The following GALNT15 variants were observed in gnomAD, a reference collection of about 807,000 sequenced individuals.
GALNT15 encodes polypeptide N-acetylgalactosaminyltransferase 15, also known as UDP-GalNAc transferase T15.
In GALNT15, 67 loss-of-function variants were observed where a neutral mutation model predicts 66.8. The observed-to-expected ratio is 1.00, with a 90% confidence interval of 0.82 to 1.23. GALNT15 has a LOEUF of 1.23. GALNT15 is among the 50% of genes most tolerant of loss of function. GALNT15 has a pLI of 0.00. For missense variants in GALNT15, 827 were observed against 804.3 expected (o/e 1.03, Z -0.34); for synonymous variants, 313 against 311.5 (o/e 1.00, Z -0.05).
In GALNT15 at chr3:16,181,894, G is replaced by A. The variant is rs889236485; in HGVS notation, c.539+6204G>A. ...TCCAGCCCTCGAGTCCACAGTGGCC[G>A]CAGCAGAGGCAGTACCTCCTCTGGA... On this transcript the variant is annotated intron_variant, in intron 1 of 9. Transcript: ENST00000339732. The surrounding 1 kb of genome is among the most constrained non-coding windows in gnomAD (Gnocchi z 5.9). 2.6e-5 allele frequency among the ~76,000 whole-genome samples: 4 copies of A among 152,130 alleles called. No homozygotes were observed. Among genetic ancestry groups the A allele is most frequent in the South Asian group, 4.1e-4 (2 of 4,826 alleles).
chr3:16,198,947 G>A lies in GALNT15; in HGVS notation c.707-1672G>A, dbSNP rs1246118322. On this transcript the variant is annotated intron_variant, in intron 2 of 9. Coordinates refer to ENST00000339732, the MANE Select transcript of GALNT15 (RefSeq NM_054110.5). ...GGCCACCTCTGGGCTGGGGAACTGGGGGGGAAATTCTTGCTTTTTGGCTCA... is the reference window on the plus strand; with the variant it reads ...GGCCACCTCTGGGCTGGGGAACTGGAGGGGAAATTCTTGCTTTTTGGCTCA... Among the ~76,000 whole-genome samples, 3 of 142,304 alleles carry A rather than the reference G, an allele frequency of 2.1e-5. 1 individual carries two copies. The highest frequency in any genetic ancestry group is 7.9e-5 in the African/African-American group (3 of 38,180). 93.4% of individuals were successfully genotyped at this position (142,304 alleles called of 152,430 possible). A position where few individuals can be genotyped will look rare whatever the true frequency, so the allele number is the denominator to read the frequency against.
At position 16,213,764 on chromosome 3, in the gene GALNT15, C is replaced by T. The variant is rs1003109254; in HGVS notation, c.1392+1001C>T. On this transcript the variant is annotated intron_variant, in intron 6 of 9. Transcript: ENST00000339732. ...GTGAGTTTGCATGCCACAGATGAAG[C>T]CTAGGCCGCTTAAATGGAAGGACAT... Among the ~76,000 whole-genome samples the T allele has an allele frequency of 2.0e-5, 3 of 152,172 alleles. No individual in the cohort carries two copies. In the East Asian group the frequency reaches 5.8e-4, roughly 29 times the overall value.
intron 2 of GALNT15, among the ~76,000 whole-genome samples, chr3:16,199,698 G>A (rs2063678503): frequency 1.0e-5 from 1 of 97,286 alleles, no homozygotes; most frequent in African/African-American, 3.8e-5. Context: ...TCCCATGGGG[G>A]ACTCTGGAGC....
chr3:16,247,879 G>A, the GALNT15 span, among the ~76,000 whole-genome samples: 16 of 152,122 alleles, frequency 1.1e-4, no homozygotes, highest in African/African-American at 3.6e-4. Context: ...GTGGCGACAC[G>A]TCACCCAGCA....
At chr3:16,192,470 T>G (rs745802153) in intron 1 of GALNT15, among the ~76,000 whole-genome samples, 41 of 139,608 alleles carry the variant, frequency 2.9e-4, no homozygotes, top group Non-Finnish European at 3.9e-4. Flanking sequence ...TAGTTTAGGG[T>G]TTTTTTTTTC....
chr3:16,194,936 ACCTATG>A (rs1286166723), intron 1 of GALNT15, among the ~76,000 whole-genome samples: 1 of 152,234 alleles, frequency 6.6e-6, no homozygotes, highest in Non-Finnish European at 1.5e-5. Context: ...GCACATGTTT[ACCTATG>A]TAGCAAACCT....
At chr3:16,232,469 AATATATATATAT>A (rs374444719), downstream of GALNT15, among the ~76,000 whole-genome samples, 6 of 38,754 alleles carry the variant, frequency 1.5e-4, no homozygotes, top group African/African-American at 3.2e-4. Context: ...TAAATAAATA[AATATATATATAT>A]ATATATATAT....
Position 16,211,097 on chromosome 3 carries a change from A to C in GALNT15, c.1080-27A>C. ...TGCTGTGCTCTGGGTTCTGAACTGC[A>C]GTGTCCTGCCTGTCTTCTGTGTCCA... On this transcript the variant is annotated intron_variant, in intron 4 of 9. Coordinates refer to ENST00000339732, the MANE Select transcript of GALNT15 (RefSeq NM_054110.5). The surrounding 1 kb of genome is among the most constrained non-coding windows in gnomAD (Gnocchi z 4.3). 1 of 1,539,192 alleles carries C rather than the reference A, an allele frequency of 6.5e-7. No homozygotes were observed.
rs1308840649 is a variant in GALNT15 at position 16,203,539 on chromosome 3, T to TCACA, written c.911+2717_911+2718insACAC. ...CACTCATTCTCTCTCTCTCTCTCTCTCTCTCACACACACACACACACACAC... is the reference window on the plus strand; with the variant it reads ...CACTCATTCTCTCTCTCTCTCTCTCTCACACTCTCACACACACACACACACACAC... On this transcript the variant is annotated intron_variant, in intron 3 of 9. Transcript: ENST00000339732. The surrounding 1 kb of genome is among the most constrained non-coding windows in gnomAD (Gnocchi z 6.2). Among the ~76,000 whole-genome samples, 3 of 53,312 alleles carry TCACA rather than the reference T, an allele frequency of 5.6e-5. No individual in the cohort carries two copies. Among genetic ancestry groups the TCACA allele is most frequent in the African/African-American group, 1.6e-4 (3 of 18,562 alleles). 35.0% of individuals were successfully genotyped at this position (53,312 alleles called of 152,430 possible).
rs1465882548 is a variant in GALNT15, at chr3:16,204,062, A to C, written c.911+3239A>C. On this transcript the variant is annotated intron_variant, in intron 3 of 9. Coordinates refer to ENST00000339732, the MANE Select transcript of GALNT15 (RefSeq NM_054110.5). This position sits in a 1 kb window ranked among gnomAD's most constrained non-coding sequence, Gnocchi z 4.5. Reference sequence around the variant, plus strand: ...CTTTAAGAGCTCTTATAAAAAAAAAAAAGTGGGGTGGGAGTGGTGAGTGAA... The same window carrying C: ...CTTTAAGAGCTCTTATAAAAAAAAACAAGTGGGGTGGGAGTGGTGAGTGAA... Among the ~76,000 whole-genome samples, 1 of 152,094 alleles carries C rather than the reference A, an allele frequency of 6.6e-6. No individual in the cohort carries two copies. Among genetic ancestry groups the C allele is most frequent in the East Asian group, 1.9e-4 (1 of 5,192 alleles).
chr3:16,190,606 C>A (rs571575232), intron 1 of GALNT15, among the ~76,000 whole-genome samples: 41 of 147,280 alleles, frequency 2.8e-4, no homozygotes, highest in African/African-American at 1.0e-3. Context: ...CCACTGCACT[C>A]CAGCCTGGGG....
downstream of GALNT15, among the ~76,000 whole-genome samples, chr3:16,235,029 T>C (rs957805458): frequency 2.6e-5 from 4 of 151,968 alleles, no homozygotes; most frequent in African/African-American, 7.3e-5. Context: ...TTCACACCAT[T>C]ATCCTGCCTC....
chr3:16,178,374 A>T (rs2063433355), intron 1 of GALNT15, among the ~76,000 whole-genome samples: 1 of 152,162 alleles, frequency 6.6e-6, no homozygotes, highest in African/African-American at 2.4e-5. Context: ...GAGACTTCCC[A>T]GATTTTAGCA....
In GALNT15 at chr3:16,222,725, G is replaced by A; in HGVS notation, c.1740G>A (p.Leu580=). ...VILQNCTEEG[L]AIHQQHWDFQ... is the part of the protein sequence containing the mutation. ...TTCAGAACTGCACGGAGGAAGGCCT[G>A]GCCATCCACCAGCAGCACTGGGACT... Residue 580 remains leucine (L), a synonymous_variant, in exon 9 of 10, where the codon CTG becomes CTA. Transcript: ENST00000339732. The A allele has an allele frequency of 1.2e-6, 2 of 1,614,196 alleles. No homozygotes were observed. Among genetic ancestry groups the A allele is most frequent in the Non-Finnish European group, 1.7e-6 (2 of 1,180,042 alleles).
chr3:16,211,163 A>G lies in GALNT15; in HGVS notation c.1119A>G (p.Arg373=). 1.9e-6 allele frequency: 3 copies of G among 1,614,060 alleles called. No individual in the cohort carries two copies. The highest frequency in any genetic ancestry group is 2.5e-6 in the Non-Finnish European group (3 of 1,179,940). ...CCGGAGAGGTGGTGGCCATGGACAGACATTACTTCCAAAACACTGGAGCGT... is the reference window on the plus strand; with the variant it reads ...CCGGAGAGGTGGTGGCCATGGACAGGCATTACTTCCAAAACACTGGAGCGT... ...VVPGEVVAMD[R]HYFQNTGAYD... The change falls in exon 5 of 10, where the codon AGA becomes AGG. Residue 373 remains arginine, a synonymous_variant. Transcript: ENST00000339732. This position sits in a 1 kb window ranked among gnomAD's most constrained non-coding sequence, Gnocchi z 4.3.
At chr3:16,232,656 G>A (rs559615487), downstream of GALNT15, among the ~76,000 whole-genome samples, 1 of 150,714 alleles carries the variant, frequency 6.6e-6, no homozygotes, top group East Asian at 2.0e-4. Flanking sequence ...AAGAGCAGAG[G>A]CAAAGGTGGG....
rs1459672899 is a variant in GALNT15, at chr3:16,175,920, G to T, written c.539+230G>T. On this transcript the variant is annotated intron_variant, in intron 1 of 9. Coordinates refer to ENST00000339732, the MANE Select transcript of GALNT15 (RefSeq NM_054110.5). The surrounding 1 kb of genome is among the most constrained non-coding windows in gnomAD (Gnocchi z 5.6). ...CTGCCAAACAAGAAACTCTGGGTGG[G>T]GTCCAGTGGTCTGTATGAACAAGCC... is the stretch of plus-strand genomic sequence containing the variant. 1.3e-5 allele frequency among the ~76,000 whole-genome samples: 2 copies of T among 152,186 alleles called. No homozygotes were observed. The highest frequency in any genetic ancestry group is 2.9e-5 in the Non-Finnish European group (2 of 68,036).
chr3:16,236,162 A>AG (rs1354648874), downstream of GALNT15, among the ~76,000 whole-genome samples: 1 of 146,460 alleles, frequency 6.8e-6, no homozygotes, highest in Admixed American at 7.1e-5. Flanking sequence ...TAGAACTCAA[A>AG]GGCCAGAGTA....
chr3:16,210,011 C>T (rs939544324), intron 4 of GALNT15, among the ~76,000 whole-genome samples: 4 of 152,154 alleles, frequency 2.6e-5, no homozygotes, highest in South Asian at 2.1e-4. Flanking sequence ...GTGTGGTATA[C>T]GATGTATGTC....
Sources: gnomAD v4.1 joint callset for allele counts (sites outside exome capture counted in the v4.1 genomes callset) on GRCh38, gnomAD v4.1.1 for gene constraint, Gnocchi (gnomAD v3.1) non-coding constraint, MANE v1.5 for transcripts, NCBI Gene and HGNC (gene_info 2026-07-23, HGNC 2026-07-21) for gene names.